The following PTCHD4 variants were observed in gnomAD, a reference collection of about 807,000 sequenced individuals.
PTCHD4 encodes patched domain-containing protein 4.
PTCHD4 carries 33 observed loss-of-function variants against 58.1 expected under a neutral mutation model. That is an observed-to-expected ratio of 0.57 (90% CI 0.43 to 0.76). PTCHD4 has a LOEUF of 0.76. Among genes scored for constraint, PTCHD4 ranks in the 30% least tolerant of loss-of-function variants. The probability of loss-of-function intolerance (pLI) is 0.00; values close to 1 mark genes in which losing one functional copy is unlikely to be tolerated. For missense variants in PTCHD4, 1,058 were observed against 1,027.1 expected, an observed-to-expected ratio of 1.03 and a Z score of -0.41; for synonymous variants, 478 against 409.6, an observed-to-expected ratio of 1.17 and a Z score of -2.02.
chr6:48,024,876 G>A (rs1045570928), intron 3 of PTCHD4, among the ~76,000 whole-genome samples: 2 of 152,120 alleles, frequency 1.3e-5, no homozygotes, highest in Non-Finnish European at 2.9e-5. Flanking sequence ...GCTTCTCAAA[G>A]CTGCTTTATT....
intron 4 of PTCHD4, among the ~76,000 whole-genome samples, chr6:47,904,290 C>A (rs1764807139): frequency 6.6e-6 from 1 of 152,192 alleles, no homozygotes; most frequent in African/African-American, 2.4e-5. Context: ...GATGTGTTAT[C>A]TAAAGCTGTG....
At position 47,879,162 on chromosome 6, in the gene PTCHD4, C is replaced by T; in HGVS notation, c.1673G>A (p.Ser558Asn). 1 of 1,611,996 alleles carries T rather than the reference C, an allele frequency of 6.2e-7. No individual in the cohort carries two copies. Among genetic ancestry groups the T allele is most frequent in the Non-Finnish European group, 8.5e-7 (1 of 1,179,682 alleles). The change falls in exon 5 of 5, where the codon AGC becomes AAC. Residue 558 changes from serine (S) to asparagine (N), a missense_variant. Ser to Asn is a conservative substitution (Grantham distance 46). Coordinates refer to ENST00000339488, the MANE Select transcript of PTCHD4 (RefSeq NM_001384253.1). Reference sequence around the variant, plus strand: ...ACTTTTGTTATTGGCACTGACGTTGCTGACTTTCAGGAACTGGTAGTACTG... The same window carrying T: ...ACTTTTGTTATTGGCACTGACGTTGTTGACTTTCAGGAACTGGTAGTACTG... ...VEQYYQFLKVSNVSANNKSDF... is the reference protein window; with the variant it reads ...VEQYYQFLKVNNVSANNKSDF...
Position 47,864,551 on chromosome 6 carries a change from T to A in PTCHD4, c.*13752A>T, listed in dbSNP as rs907628134. Among the ~76,000 whole-genome samples, 36 of 152,062 alleles carry A rather than the reference T, an allele frequency of 2.4e-4. No homozygotes were observed. The highest frequency in any genetic ancestry group is 4.1e-4 in the South Asian group (2 of 4,828). On this transcript the variant is annotated 3_prime_UTR_variant, in exon 5 of 5. Transcript: ENST00000339488. ...GGTGAAAGCCATGACCCAAAGGGCA[T>A]CGCATAAAGCTACGTGGATGATCAA...
chr6:47,987,419 T>TA (rs748765717), intron 4 of PTCHD4, among the ~76,000 whole-genome samples: 2,821 of 138,854 alleles, frequency 0.02, 37 homozygotes, highest in South Asian at 0.05. Flanking sequence ...AAAAAAAGAT[T>TA]AAAAAAAAAA....
rs1173223162 is a variant in PTCHD4, at chr6:47,879,090, A to T, written c.1745T>A (p.Phe582Tyr). Residue 582 changes from phenylalanine to tyrosine, a missense_variant, in exon 5 of 5, where the codon TTC becomes TAC. Physicochemically the swap from Phe to Tyr is conservative, Grantham distance 22 (BLOSUM62 3). Coordinates refer to ENST00000339488, the MANE Select transcript of PTCHD4 (RefSeq NM_001384253.1). ...GATGATATCATTTCGAAAATGCTGG[A>T]ATTCTGGCTTTTTTAAAAATGAGCT... is the stretch of plus-strand genomic sequence containing the variant. ...LQSSFLKKPE[F>Y]QHFRNDIIFS... is the part of the protein sequence containing the mutation. 1 of 1,613,098 alleles carries T rather than the reference A, an allele frequency of 6.2e-7. No individual in the cohort carries two copies. The highest frequency in any genetic ancestry group is 1.1e-5 in the South Asian group (1 of 91,066).
intron 4 of PTCHD4, among the ~76,000 whole-genome samples, chr6:48,006,797 C>T (rs1389405518): frequency 6.6e-6 from 1 of 152,176 alleles, no homozygotes; most frequent in African/African-American, 2.4e-5. Context: ...CTTAAAACAT[C>T]AGGTTAAATA....
At chr6:48,057,603 A>T (rs182482109) in intron 3 of PTCHD4, among the ~76,000 whole-genome samples, 5 of 152,348 alleles carry the variant, frequency 3.3e-5, no homozygotes, top group African/African-American at 1.2e-4. Context: ...AAGTGGCTTT[A>T]AGGCCTCAGC....
intron 1 of PTCHD4, among the ~76,000 whole-genome samples, chr6:48,096,992 T>A (rs1247498776): frequency 6.6e-6 from 1 of 152,180 alleles, no homozygotes; most frequent in African/African-American, 2.4e-5. Context: ...CTTGTTAAAA[T>A]AATTTTTGCA....
chr6:48,095,942 C>A (rs1198741097), intron 1 of PTCHD4, among the ~76,000 whole-genome samples: 2 of 151,984 alleles, frequency 1.3e-5, no homozygotes, highest in Non-Finnish European at 2.9e-5. Flanking sequence ...TGCCACACCT[C>A]ACACATTTAA....
intron 4 of PTCHD4, among the ~76,000 whole-genome samples, chr6:47,990,205 G>A (rs1444008328): frequency 6.6e-6 from 1 of 152,142 alleles, no homozygotes; most frequent in Non-Finnish European, 1.5e-5. Context: ...TAACCAGCTT[G>A]CTTTTGATTT....
chr6:48,077,244 G>A (rs77667519), intron 1 of PTCHD4, among the ~76,000 whole-genome samples: 1,716 of 152,298 alleles, frequency 0.011, 27 homozygotes, highest in African/African-American at 0.039. Flanking sequence ...CTAGGATTTT[G>A]GGAATGATCA....
At chr6:47,974,705 G>A (rs947624680) in intron 4 of PTCHD4, among the ~76,000 whole-genome samples, 1 of 152,148 alleles carries the variant, frequency 6.6e-6, no homozygotes, top group African/African-American at 2.4e-5. Context: ...ATTTGATTTT[G>A]GAAGGCATAG....
At chr6:47,978,216 T>C (rs1293940543) in intron 4 of PTCHD4, among the ~76,000 whole-genome samples, 4 of 152,128 alleles carry the variant, frequency 2.6e-5, no homozygotes, top group African/African-American at 9.7e-5. Flanking sequence ...CTTACTTCAC[T>C]CTGAGATTTA....
intron 4 of PTCHD4, chr6:47,901,803 C>A (rs1381689737): frequency 7.9e-7 from 1 of 1,273,672 alleles, no homozygotes; most frequent in Non-Finnish European, 1.0e-6. Context: ...TTTATTGTAT[C>A]CTAGGAGTCT....
rs767315804 is a variant in PTCHD4 at position 47,874,472 on chromosome 6, C to G, written c.*3831G>C. 5.9e-5 allele frequency among the ~76,000 whole-genome samples: 9 copies of G among 151,678 alleles called. No homozygotes were observed. Among genetic ancestry groups the G allele is most frequent in the Non-Finnish European group, 1.2e-4 (8 of 67,788 alleles). On this transcript the variant is annotated 3_prime_UTR_variant, in exon 5 of 5. Transcript: ENST00000339488. ...TATGTGACTGTAATTATGATATTTA[C>G]AGTCAACTTATAAAAATACATGTAA...
chr6:47,859,291 G>A lies in PTCHD4; in HGVS notation c.*19012C>T, dbSNP rs148999055. The stretch of plus-strand genomic sequence containing the variant: ...TCTTTCCATTGACAAGCTAGGATAC[G>A]AGCACAGTCCCTGCTCTGCCAAAGG... On this transcript the variant is annotated 3_prime_UTR_variant, in exon 5 of 5. Transcript: ENST00000339488. Among the ~76,000 whole-genome samples, 2 of 152,012 alleles carry A rather than the reference G, an allele frequency of 1.3e-5. No homozygotes were observed. The highest frequency in any genetic ancestry group is 1.5e-5 in the Non-Finnish European group (1 of 67,956).
intron 3 of PTCHD4, among the ~76,000 whole-genome samples, chr6:48,065,567 A>G (rs1224600862): frequency 6.6e-6 from 1 of 152,186 alleles, no homozygotes; most frequent in Non-Finnish European, 1.5e-5. Flanking sequence ...AAACAAGGCC[A>G]TCTCATTTTG....
intron 4 of PTCHD4, among the ~76,000 whole-genome samples, chr6:47,934,177 G>C (rs971668424): frequency 6.6e-6 from 1 of 152,104 alleles, no homozygotes; most frequent in Non-Finnish European, 1.5e-5. Flanking sequence ...GGAAGTTTGC[G>C]GCAGGGAGGA....
intron 3 of PTCHD4, among the ~76,000 whole-genome samples, chr6:48,061,562 C>T (rs1237884400): frequency 6.6e-6 from 1 of 152,156 alleles, no homozygotes; most frequent in East Asian, 1.9e-4. Context: ...TATTAATCAT[C>T]TGGGGAGCTT....
Sources: gnomAD v4.1 joint callset for allele counts (sites outside exome capture counted in the v4.1 genomes callset) on GRCh38, gnomAD v4.1.1 for gene constraint, MANE v1.5 for transcripts, NCBI Gene and HGNC (gene_info 2026-07-23, HGNC 2026-07-21) for gene names.